NCOR2: variants seen among roughly 807,000 people sequenced by gnomAD.
NCOR2 encodes CTG repeat protein 26.
In NCOR2, 81 loss-of-function variants were observed where a neutral mutation model predicts 262.9. That is an observed-to-expected ratio of 0.31 (90% CI 0.26 to 0.37). The LOEUF is 0.37. Among genes scored for constraint, NCOR2 ranks in the 10% least tolerant of loss-of-function variants. NCOR2 has a pLI of 1.00. For synonymous variants in NCOR2, 1,659 were observed against 1,559.3 expected (o/e 1.06, Z -1.51); for missense variants, 3,385 against 3,621.4 (o/e 0.93, Z 1.68).
At position 124,429,826 on chromosome 12, in the gene NCOR2, G is replaced by A. The variant is rs116056892; in HGVS notation, c.1056-120C>T. On this transcript the variant is annotated intron_variant, in intron 9 of 46. Coordinates refer to ENST00000405201, the Ensembl canonical transcript of NCOR2. ...AGAGGAGAAGTGTGGGCAGCGGCCA[G>A]CAGAGGGGCCGGCCCCACACCCGGG... The A allele has an allele frequency of 1.8e-3, 1,719 of 963,610 alleles. 20 individuals are homozygous for A. The African/African-American group carries it at 0.025, about 14-fold the overall frequency. 59.7% of individuals were successfully genotyped at this position (963,610 alleles called of 1,614,324 possible). A position where few individuals can be genotyped will look rare whatever the true frequency, so the allele number is the denominator to read the frequency against.
intron 20 of NCOR2, among the ~76,000 whole-genome samples, chr12:124,364,145 C>T (rs2038832154): frequency 6.6e-6 from 1 of 152,198 alleles, no homozygotes; most frequent in Non-Finnish European, 1.5e-5. Context: ...ATCAAACATC[C>T]CCAAAGACAT....
chr12:124,393,501 G>GGCTCCC (rs2041454783), intron 16 of NCOR2, among the ~76,000 whole-genome samples: 1 of 152,364 alleles, frequency 6.6e-6, no homozygotes, highest in African/African-American at 2.4e-5. Flanking sequence ...GGCAAGGCCA[G>GGCTCCC]GCTCCCGGTG....
chr12:124,325,510 C>G (rs779779730), exon 47 of NCOR2: 1 of 1,352,562 alleles, frequency 7.4e-7, no homozygotes, highest in Admixed American at 3.8e-5. Context: ...CGGGGAGGCC[C>G]GGTGGGGGTG....
chr12:124,365,335 G>A (rs1593231023), intron 20 of NCOR2, among the ~76,000 whole-genome samples: 1 of 152,264 alleles, frequency 6.6e-6, no homozygotes, highest in East Asian at 1.9e-4. Context: ...TACTGGCCTC[G>A]AGGTGAGAGC....
exon 43 of NCOR2, chr12:124,332,396 T>C (rs2035274685): frequency 6.2e-7 from 1 of 1,614,120 alleles, no homozygotes. Flanking sequence ...CATGGCGGAG[T>C]TGCTCTCGGT....
At chr12:124,384,428 G>A (rs867430) in intron 17 of NCOR2, among the ~76,000 whole-genome samples, 5 of 152,326 alleles carry the variant, frequency 3.3e-5, no homozygotes, top group South Asian at 4.1e-4. Flanking sequence ...TGGAGGGCAC[G>A]CGGGGCACTG....
At chr12:124,461,333 A>C (rs1445188824) in intron 5 of NCOR2, among the ~76,000 whole-genome samples, 1 of 152,218 alleles carries the variant, frequency 6.6e-6, no homozygotes, top group Non-Finnish European at 1.5e-5. Context: ...CTAGGGACTC[A>C]AGCCAATGAG....
Position 124,479,333 on chromosome 12 carries a change from C to T in NCOR2, c.411+4263G>A, listed in dbSNP as rs1284251315. 6.0e-5 allele frequency among the ~76,000 whole-genome samples: 9 copies of T among 149,664 alleles called. No individual in the cohort carries two copies. In the South Asian group the frequency reaches 1.5e-3, roughly 24 times the overall value. On this transcript the variant is annotated intron_variant, in intron 3 of 46. Coordinates refer to ENST00000405201, the Ensembl canonical transcript of NCOR2. ...ACGGACACATGCACACACGTGCGCA[C>T]ACAAACACACATACACACGTGCAAC...
intron 28 of NCOR2, among the ~76,000 whole-genome samples, chr12:124,350,219 G>T (rs1405841302): frequency 6.6e-6 from 1 of 152,204 alleles, no homozygotes; most frequent in African/African-American, 2.4e-5. Context: ...ACACAGTGGG[G>T]CGAGGGGCAC....
upstream of NCOR2, among the ~76,000 whole-genome samples, chr12:124,497,307 C>T (rs1347078526): frequency 1.3e-5 from 2 of 152,240 alleles, no homozygotes; most frequent in African/African-American, 2.4e-5. The surrounding 1 kb of genome is among the most constrained non-coding windows in gnomAD (Gnocchi z 4.2). Flanking sequence ...AGCCCCGAGA[C>T]AGGATGTATG....
At chr12:124,506,481 CT>C (rs149928458) in intron 1 of NCOR2, among the ~76,000 whole-genome samples, 3,213 of 149,496 alleles carry the variant, frequency 0.021, 56 homozygotes, top group Middle Eastern at 0.076. Flanking sequence ...TCCTCCCCTC[CT>C]TTTTTTTTTG....
intron 16 of NCOR2, among the ~76,000 whole-genome samples, chr12:124,397,324 A>C (rs1441053187): frequency 6.6e-6 from 1 of 152,216 alleles, no homozygotes; most frequent in Non-Finnish European, 1.5e-5. Context: ...CAGCCAACCT[A>C]GACGACCCTC....
At chr12:124,418,943 C>G (rs2043059205) in intron 13 of NCOR2, among the ~76,000 whole-genome samples, 1 of 152,116 alleles carries the variant, frequency 6.6e-6, no homozygotes, top group Non-Finnish European at 1.5e-5. Flanking sequence ...TCACTCTCAC[C>G]CGGCCCCCAC....
chr12:124,389,855 C>T lies in NCOR2; in HGVS notation c.1877-3968G>A, dbSNP rs2041159205. ...CGTCCTCCTCCGAGAGCCCCTGCAG[C>T]CGTGAAGGAACACTGTGGGAAATGC... On this transcript the variant is annotated intron_variant, in intron 16 of 46. Transcript: ENST00000405201. The surrounding 1 kb of genome is among the most constrained non-coding windows in gnomAD (Gnocchi z 4.4). Among the ~76,000 whole-genome samples, 1 of 152,168 alleles carries T rather than the reference C, an allele frequency of 6.6e-6. No individual in the cohort carries two copies. The highest frequency in any genetic ancestry group is 2.1e-4 in the South Asian group (1 of 4,824).
intron 11 of NCOR2, 41 bp downstream of exon 13, chr12:124,426,581 G>T (rs759803996): frequency 1.6e-5 from 25 of 1,528,878 alleles, no homozygotes; most frequent in Non-Finnish European, 1.9e-5. Flanking sequence ...CAGGATGGGG[G>T]TGGGGGGCCG....
At chr12:124,529,551 G>A (rs920929005) in intron 1 of NCOR2, among the ~76,000 whole-genome samples, 9 of 152,152 alleles carry the variant, frequency 5.9e-5, no homozygotes, top group Admixed American at 2.0e-4. Flanking sequence ...GGTGCAATCC[G>A]GCACTGCACT....
chr12:124,475,402 C>A (rs1483453062), intron 3 of NCOR2, among the ~76,000 whole-genome samples: 1 of 152,192 alleles, frequency 6.6e-6, no homozygotes, highest in East Asian at 1.9e-4. Context: ...ACTGCTGCTC[C>A]ATCTCCATTA....
At chr12:124,363,859 G>A in intron 20 of NCOR2, 60 bp from the exon 23 acceptor site, 2 of 1,293,102 alleles carry the variant, frequency 1.5e-6, no homozygotes, top group Non-Finnish European at 2.0e-6. Flanking sequence ...CAGGGTGGGG[G>A]GGCTGCCCGG....
intron 21 of NCOR2, among the ~76,000 whole-genome samples, chr12:124,363,029 T>C (rs2038739661): frequency 6.6e-6 from 1 of 152,270 alleles, no homozygotes; most frequent in Admixed American, 6.5e-5. Flanking sequence ...GAGCCTGCTG[T>C]GACTCTCTCC....
Sources: allele counts gnomAD v4.1 joint callset (sites outside exome capture counted in the v4.1 genomes callset), GRCh38; gene constraint gnomAD v4.1.1; non-coding constraint Gnocchi (gnomAD v3.1); transcripts MANE v1.5; gene names NCBI Gene and HGNC (gene_info 2026-07-23, HGNC 2026-07-21).